ALDH1A2: variants seen among roughly 807,000 people sequenced by gnomAD.
ALDH1A2 encodes the protein retinal dehydrogenase 2.
ALDH1A2 carries 27 observed loss-of-function variants against 60.3 expected under a neutral mutation model. The observed-to-expected ratio is 0.45, with a 90% CI of 0.33 to 0.62. The LOEUF is 0.62. Among genes scored for constraint, ALDH1A2 ranks in the 20% least tolerant of loss-of-function variants. The probability of loss-of-function intolerance (pLI) is 0.02; values close to 1 mark genes in which losing one functional copy is unlikely to be tolerated. For missense variants in ALDH1A2, 581 were observed against 643.8 expected (o/e 0.90, Z 1.06); for synonymous variants, 289 against 232.4 (o/e 1.24, Z -2.21).
rs551238178 is a variant in ALDH1A2 at position 58,025,037 on chromosome 15, T to C, written c.118-10756A>G. 9.9e-4 allele frequency among the ~76,000 whole-genome samples: 151 copies of C among 152,160 alleles called. 1 individual carries two copies. The highest frequency in any genetic ancestry group is 3.5e-3 in the African/African-American group (146 of 41,536). ...CTCTTGGGAATAACAAAAGCAGTGCTAAGAGGAAATTTTATAGCAATTAAT... is the reference window on the plus strand; with the variant it reads ...CTCTTGGGAATAACAAAAGCAGTGCCAAGAGGAAATTTTATAGCAATTAAT... On this transcript the variant is annotated intron_variant, in intron 1 of 12. Transcript: ENST00000249750.
At chr15:57,961,421 T>A (rs1893716447) in intron 10 of ALDH1A2, 127 bp from the exon 11 acceptor site, 2 of 1,163,784 alleles carry the variant, frequency 1.7e-6, no homozygotes, top group Non-Finnish European at 1.2e-6. Flanking sequence ...TACAAAACTG[T>A]AAAATCTCCC....
intron 7 of ALDH1A2, among the ~76,000 whole-genome samples, chr15:57,967,959 T>C (rs1596069903): frequency 6.6e-6 from 1 of 152,108 alleles, no homozygotes; most frequent in Non-Finnish European, 1.5e-5. Flanking sequence ...CTGAAAATTA[T>C]GACTGGTAAG....
rs1566925767 is a variant in ALDH1A2, at chr15:57,955,127, G to A, written c.*70C>T. 4 of 1,463,716 alleles carry A rather than the reference G, an allele frequency of 2.7e-6. No homozygotes were observed. Among genetic ancestry groups the A allele is most frequent in the East Asian group, 2.3e-5 (1 of 44,162 alleles). 90.7% of individuals were successfully genotyped at this position (1,463,716 alleles called of 1,614,324 possible). On this transcript the variant is annotated 3_prime_UTR_variant, in exon 13 of 13. Coordinates refer to ENST00000249750, the MANE Select transcript of ALDH1A2 (RefSeq NM_003888.4). ...GTGGCTCAACTTTGTATTCCTGAGAGCTGGGCCCTACAGAGAAAGCAGAGA... is the reference window on the plus strand; with the variant it reads ...GTGGCTCAACTTTGTATTCCTGAGAACTGGGCCCTACAGAGAAAGCAGAGA...
intron 1 of ALDH1A2, among the ~76,000 whole-genome samples, chr15:58,043,069 T>C (rs1244298866): frequency 2.0e-5 from 3 of 151,964 alleles, no homozygotes; most frequent in Non-Finnish European, 4.4e-5. Context: ...GCTTGTGTTT[T>C]AGTCCTGGTT....
intron 1 of ALDH1A2, among the ~76,000 whole-genome samples, chr15:58,037,387 A>C (rs917679213): frequency 2.0e-5 from 3 of 151,672 alleles, no homozygotes; most frequent in African/African-American, 7.2e-5. Context: ...AGAGACTTTT[A>C]AAAGCCAAGG....
At chr15:57,999,117 A>G (rs1895169266) in intron 4 of ALDH1A2, among the ~76,000 whole-genome samples, 1 of 152,164 alleles carries the variant, frequency 6.6e-6, no homozygotes, top group South Asian at 2.1e-4. Flanking sequence ...AATCTAGGCA[A>G]TACCATTCAG....
intron 1 of ALDH1A2, among the ~76,000 whole-genome samples, chr15:58,034,735 T>A (rs1256729488): frequency 2.0e-5 from 3 of 151,746 alleles, no homozygotes; most frequent in Non-Finnish European, 3.0e-5. Context: ...GATCTCCTGA[T>A]TTTTTCTTTG....
At chr15:57,968,583 A>G (rs753161545) in intron 7 of ALDH1A2, among the ~76,000 whole-genome samples, 1 of 152,262 alleles carries the variant, frequency 6.6e-6, no homozygotes, top group African/African-American at 2.4e-5. Flanking sequence ...AGTAGGTAGG[A>G]ATATCACCTC....
chr15:57,964,785 T>C (rs1454838147), intron 8 of ALDH1A2: 1 of 152,296 alleles, frequency 6.6e-6, no homozygotes, highest in African/African-American at 2.4e-5. Flanking sequence ...AGTTGCTAAA[T>C]GACCGACTGA....
At chr15:57,967,534 G>A (rs1320225812) in intron 7 of ALDH1A2, among the ~76,000 whole-genome samples, 1 of 152,052 alleles carries the variant, frequency 6.6e-6, no homozygotes, top group African/African-American at 2.4e-5. Flanking sequence ...AAAAACACCG[G>A]GGAAACTCCA....
chr15:57,958,404 A>G (rs1382643178), intron 12 of ALDH1A2, among the ~76,000 whole-genome samples: 2 of 152,192 alleles, frequency 1.3e-5, no homozygotes, highest in African/African-American at 4.8e-5. Flanking sequence ...AGGAAGTAAG[A>G]AAAAGGACAG....
At chr15:58,031,039 A>G (rs1896225440) in intron 1 of ALDH1A2, among the ~76,000 whole-genome samples, 1 of 152,146 alleles carries the variant, frequency 6.6e-6, no homozygotes, top group Non-Finnish European at 1.5e-5. Context: ...TAAAGTTCAC[A>G]TAGAACCAAA....
chr15:58,065,380 G>A (rs1897150323), intron 1 of ALDH1A2, 154 bp downstream of exon 1: 2 of 766,736 alleles, frequency 2.6e-6, no homozygotes, highest in Admixed American at 1.9e-5. Context: ...CAGTCCCGAA[G>A]ACAGGCAGGG....
intron 4 of ALDH1A2, among the ~76,000 whole-genome samples, chr15:58,010,254 A>C (rs1301447464): frequency 4.6e-5 from 7 of 152,134 alleles, no homozygotes; most frequent in African/African-American, 1.4e-4. Context: ...TTTCCTTCCA[A>C]AGAGTAGATC....
intron 1 of ALDH1A2, among the ~76,000 whole-genome samples, chr15:58,030,692 G>A (rs2140539800): frequency 6.6e-6 from 1 of 152,154 alleles, no homozygotes; most frequent in African/African-American, 2.4e-5. Flanking sequence ...CATAGTCTCA[G>A]GATACAAAAT....
At chr15:57,955,687 A>G (rs1162331120) in intron 12 of ALDH1A2, among the ~76,000 whole-genome samples, 1 of 152,070 alleles carries the variant, frequency 6.6e-6, no homozygotes, top group Non-Finnish European at 1.5e-5. Context: ...CGCCTTGGCC[A>G]TGCCTCTCTC....
In ALDH1A2 at chr15:58,018,862, A is replaced by C. The variant is rs576856971; in HGVS notation, c.118-4581T>G. 3.3e-5 allele frequency among the ~76,000 whole-genome samples: 5 copies of C among 152,294 alleles called. No homozygotes were observed. The South Asian group carries it at 1.0e-3, about 32-fold the overall frequency. On this transcript the variant is annotated intron_variant, in intron 1 of 12. Transcript: ENST00000249750. ...GTCATGAGAGGCTAGTAAAATGAAA[A>C]CAACTGTTCCAAATTAAAGGTCACT...
chr15:57,954,144 A>G lies in ALDH1A2; in HGVS notation c.*1053T>C, dbSNP rs1893438502. The G allele has an allele frequency of 6.6e-6, 1 of 152,410 alleles. No homozygotes were observed. Among genetic ancestry groups the G allele is most frequent in the South Asian group, 2.1e-4 (1 of 4,836 alleles). The allele number at this position is 152,410 out of a possible 1,614,324, so 9.4% of individuals were successfully genotyped here. A position where few individuals can be genotyped will look rare whatever the true frequency, so the allele number is the denominator to read the frequency against. ...GCCAGATTTTCCAAGGTCACTGCCA[A>G]TAGATACAGGGCACATTATGATAGA... On this transcript the variant is annotated 3_prime_UTR_variant, in exon 13 of 13. Transcript: ENST00000249750.
intron 1 of ALDH1A2, among the ~76,000 whole-genome samples, chr15:58,035,360 C>A (rs1340467530): frequency 2.0e-5 from 3 of 151,532 alleles, no homozygotes; most frequent in South Asian, 2.1e-4. Context: ...AGCCAGGCTA[C>A]ATGTTTAGCA....
Sources: allele counts gnomAD v4.1 joint callset (sites outside exome capture counted in the v4.1 genomes callset), GRCh38; gene constraint gnomAD v4.1.1; transcripts MANE v1.5; gene names NCBI Gene and HGNC (gene_info 2026-07-23, HGNC 2026-07-21).